Variants in BICC1 observed in about 807,000 individuals in gnomAD.
BICC1 encodes protein bicaudal C homolog 1.
BICC1 carries 43 observed loss-of-function variants against 111.0 expected under a neutral mutation model. The ratio of observed to expected loss-of-function variants is 0.39; its 90% CI spans 0.30 to 0.50. The LOEUF (loss-of-function observed/expected upper bound fraction) is 0.50, where lower values mean the gene tolerates loss of function less well. BICC1 is among the 20% of genes least tolerant of loss of function. BICC1 has a pLI of 0.88. For synonymous variants in BICC1, 467 were observed against 434.4 expected, an observed-to-expected ratio of 1.07 and a Z score of -0.93; for missense variants, 1,091 against 1,203.2, an observed-to-expected ratio of 0.91 and a Z score of 1.38.
At chr10:58,820,141 T>C (rs1343323357) in intron 19 of BICC1, among the ~76,000 whole-genome samples, 1 of 152,154 alleles carries the variant, frequency 6.6e-6, no homozygotes, top group Non-Finnish European at 1.5e-5. Flanking sequence ...GTGTTTCCTT[T>C]CTTGCTATAG....
At chr10:58,657,037 G>A (rs1462974381) in intron 2 of BICC1, among the ~76,000 whole-genome samples, 1 of 152,070 alleles carries the variant, frequency 6.6e-6, no homozygotes, top group Non-Finnish European at 1.5e-5. Context: ...CCTCCCTCCA[G>A]CCCCATCTTT....
intron 1 of BICC1, among the ~76,000 whole-genome samples, chr10:58,597,866 C>T (rs1844873086): frequency 1.3e-5 from 2 of 152,070 alleles, no homozygotes. Flanking sequence ...TTCCCTTGTT[C>T]CCTAACAATC....
Position 58,726,268 on chromosome 10 carries a change from A to T in BICC1, c.307+24125A>T, listed in dbSNP as rs562466828. On this transcript the variant is annotated intron_variant, in intron 3 of 20. Transcript: ENST00000373886. ...AACCAGTTTTAATAATAATAATAAT[A>T]GTGAAAATTACATAATTTATTGAAC... Among the ~76,000 whole-genome samples, 328 of 152,350 alleles carry T rather than the reference A, an allele frequency of 2.2e-3. 1 individual carries two copies. The highest frequency in any genetic ancestry group is 3.3e-3 in the Non-Finnish European group (225 of 68,028).
intron 1 of BICC1, among the ~76,000 whole-genome samples, chr10:58,562,082 A>G (rs1355545587): frequency 6.6e-6 from 1 of 152,104 alleles, no homozygotes; most frequent in African/African-American, 2.4e-5. Flanking sequence ...GTTTTCAGTA[A>G]TGTGCCTTGG....
intron 3 of BICC1, among the ~76,000 whole-genome samples, chr10:58,744,860 A>G (rs986476678): frequency 1.3e-5 from 2 of 152,162 alleles, no homozygotes; most frequent in African/African-American, 4.8e-5. Flanking sequence ...AGATAGCCTT[A>G]TAGGAACTGA....
rs917860469 is a variant in BICC1, at chr10:58,512,903, C to T, written c.-241C>T. Among the ~76,000 whole-genome samples, 11 of 147,406 alleles carry T rather than the reference C, an allele frequency of 7.5e-5. No homozygotes were observed. The South Asian group carries it at 1.9e-3, about 25-fold the overall frequency. ...CGCGGGCGTTGCTGGCGGGGGGCGG[C>T]GCAGCCACTGGACCCGGACCGGGGC... On this transcript the variant is annotated 5_prime_UTR_variant, in exon 1 of 21. Coordinates refer to ENST00000373886, the MANE Select transcript of BICC1 (RefSeq NM_001080512.3).
At chr10:58,795,339 ATTAGT>A (rs1241001934) in intron 9 of BICC1, among the ~76,000 whole-genome samples, 1 of 152,194 alleles carries the variant, frequency 6.6e-6, no homozygotes, top group East Asian at 1.9e-4. Flanking sequence ...ACTTGATATA[ATTAGT>A]TTAAAGTTAG....
At chr10:58,813,786 C>T in intron 17 of BICC1, 44 bp from the exon 18 acceptor site, 8 of 1,595,062 alleles carry the variant, frequency 5.0e-6, no homozygotes, top group Non-Finnish European at 6.8e-6. Flanking sequence ...CCTGAAAAAC[C>T]CACCTGATTA....
At chr10:58,585,759 T>G (rs1844410852) in intron 1 of BICC1, among the ~76,000 whole-genome samples, 1 of 152,214 alleles carries the variant, frequency 6.6e-6, no homozygotes, top group South Asian at 2.1e-4. Flanking sequence ...TGGTATAATT[T>G]CTTAATAATT....
intron 2 of BICC1, among the ~76,000 whole-genome samples, chr10:58,694,896 G>A (rs779375104): frequency 3.3e-5 from 5 of 152,144 alleles, no homozygotes; most frequent in Non-Finnish European, 7.4e-5. Context: ...CTCCCCTTAA[G>A]TATGTGGTGC....
At chr10:58,567,635 A>T (rs1243307393) in intron 1 of BICC1, among the ~76,000 whole-genome samples, 2 of 151,978 alleles carry the variant, frequency 1.3e-5, no homozygotes, top group East Asian at 3.9e-4. Context: ...ATGTTTCAGC[A>T]TACTTTTTTG....
At chr10:58,771,564 A>G (rs1036168691) in intron 3 of BICC1, among the ~76,000 whole-genome samples, 1 of 152,138 alleles carries the variant, frequency 6.6e-6, no homozygotes, top group Non-Finnish European at 1.5e-5. Context: ...CTGACAAAAC[A>G]TGACATTTGT....
chr10:58,792,713 A>T (rs1284297896), intron 8 of BICC1, among the ~76,000 whole-genome samples: 2 of 152,192 alleles, frequency 1.3e-5, no homozygotes, highest in African/African-American at 4.8e-5. Flanking sequence ...GCAGGAAAAC[A>T]AGCTCAGGGC....
chr10:58,698,804 A>G (rs1331543101), intron 2 of BICC1, among the ~76,000 whole-genome samples: 1 of 152,212 alleles, frequency 6.6e-6, no homozygotes, highest in Non-Finnish European at 1.5e-5. Context: ...TAGATACGAT[A>G]AAGGATTTTA....
chr10:58,745,674 T>G (rs948894803), intron 3 of BICC1, among the ~76,000 whole-genome samples: 6 of 141,824 alleles, frequency 4.2e-5, no homozygotes, highest in African/African-American at 1.6e-4. Context: ...TAGTCACATC[T>G]CTCTCTGCTT....
chr10:58,579,284 G>C (rs1157709857), intron 1 of BICC1, among the ~76,000 whole-genome samples: 2 of 152,206 alleles, frequency 1.3e-5, no homozygotes, highest in Non-Finnish European at 2.9e-5. Context: ...TCCGCTCCTT[G>C]CTGGAGAGAA....
At chr10:58,716,206 A>G in intron 3 of BICC1, 1 of 1,501,040 alleles carries the variant, frequency 6.7e-7, no homozygotes, top group Non-Finnish European at 9.0e-7. Flanking sequence ...AGAAAAAGCA[A>G]CAGAAAAAAC....
At chr10:58,687,863 G>C (rs12256144) in intron 2 of BICC1, among the ~76,000 whole-genome samples, 16,404 of 152,134 alleles carry the variant, frequency 0.11, 937 homozygotes, top group South Asian at 0.16. Flanking sequence ...TGCACCCACT[G>C]TCCGACAAGC....
chr10:58,532,453 G>A, intron 1 of BICC1, among the ~76,000 whole-genome samples: 1 of 151,758 alleles, frequency 6.6e-6, no homozygotes, highest in Non-Finnish European at 1.5e-5. Flanking sequence ...CAAATTTATG[G>A]TGAAGCATGG....
Sources: allele counts gnomAD v4.1 joint callset (sites outside exome capture counted in the v4.1 genomes callset), GRCh38; gene constraint gnomAD v4.1.1; transcripts MANE v1.5; gene names NCBI Gene and HGNC (gene_info 2026-07-23, HGNC 2026-07-21).